The following SPIRE1 variants were observed in gnomAD, a reference collection of about 807,000 sequenced individuals.
SPIRE1 encodes protein spire homolog 1.
In SPIRE1, 40 loss-of-function variants were observed where a neutral mutation model predicts 94.1. The observed-to-expected ratio is 0.43, with a 90% confidence interval of 0.33 to 0.55. SPIRE1 has a LOEUF of 0.55. Among genes scored for constraint, SPIRE1 ranks in the 20% least tolerant of loss-of-function variants. The pLI, the probability that SPIRE1 is intolerant of heterozygous loss-of-function variation, is 0.06. For missense variants in SPIRE1, 838 were observed against 975.2 expected, an observed-to-expected ratio of 0.86 and a Z score of 1.87; for synonymous variants, 376 against 371.7, an observed-to-expected ratio of 1.01 and a Z score of -0.13.
At chr18:12,613,728 C>T (rs770833543) in intron 2 of SPIRE1, among the ~76,000 whole-genome samples, 4 of 149,852 alleles carry the variant, frequency 2.7e-5, no homozygotes, top group Admixed American at 6.7e-5. Context: ...GGTGAAAGGC[C>T]GTCTCTACTA....
At chr18:12,497,230 T>A (rs1339257971) in intron 6 of SPIRE1, among the ~76,000 whole-genome samples, 2 of 152,226 alleles carry the variant, frequency 1.3e-5, no homozygotes, top group African/African-American at 4.8e-5. Flanking sequence ...GAAGAGCTAT[T>A]GTGGAGGACC....
chr18:12,649,977 C>T lies in SPIRE1; in HGVS notation c.337+7553G>A, dbSNP rs187955021. Among the ~76,000 whole-genome samples, 6 of 152,186 alleles carry T rather than the reference C, an allele frequency of 3.9e-5. No homozygotes were observed. The East Asian group carries it at 7.7e-4, about 20-fold the overall frequency. ...ACAGTAGGTCAGGCTTGGTGGCTCA[C>T]GCCTGTAATCCCAGCACTTTGGGAG... is the stretch of plus-strand genomic sequence containing the variant. On this transcript the variant is annotated intron_variant, in intron 1 of 16. Coordinates refer to ENST00000409402, the MANE Select transcript of SPIRE1 (RefSeq NM_001128626.2).
intron 10 of SPIRE1, among the ~76,000 whole-genome samples, chr18:12,467,256 C>T (rs1004750712): frequency 1.1e-4 from 16 of 152,154 alleles, no homozygotes; most frequent in Admixed American, 2.0e-4. Context: ...CCAGCCTGGG[C>T]GACAGAGCAA....
chr18:12,629,251 GA>G (rs917280263), intron 2 of SPIRE1, among the ~76,000 whole-genome samples: 1 of 152,104 alleles, frequency 6.6e-6, no homozygotes, highest in East Asian at 1.9e-4. Flanking sequence ...TGGAAAGCTG[GA>G]AAAAAACCAA....
chr18:12,466,586 C>T (rs1286083504), intron 10 of SPIRE1, among the ~76,000 whole-genome samples: 2 of 152,054 alleles, frequency 1.3e-5, no homozygotes, highest in African/African-American at 4.8e-5. Flanking sequence ...AGCCTATAGG[C>T]ATTTTTAGAT....
intron 6 of SPIRE1, among the ~76,000 whole-genome samples, chr18:12,501,515 C>T (rs1276063597): frequency 6.6e-6 from 1 of 152,196 alleles, no homozygotes; most frequent in Non-Finnish European, 1.5e-5. Flanking sequence ...TCCCGAGTGG[C>T]TGGGACTACA....
intron 2 of SPIRE1, among the ~76,000 whole-genome samples, chr18:12,612,784 C>A (rs1218312989): frequency 6.6e-6 from 1 of 152,200 alleles, no homozygotes. Context: ...GCATGCCCAC[C>A]TCCAGGCCTG....
At chr18:12,653,126 T>C (rs1273459537) in intron 1 of SPIRE1, 1 of 152,254 alleles carries the variant, frequency 6.6e-6, no homozygotes, top group Non-Finnish European at 1.5e-5. Flanking sequence ...GGACAGAGAC[T>C]TTTTTAATGT....
chr18:12,448,273 G>A lies in SPIRE1; in HGVS notation c.*1365C>T, dbSNP rs2031041393. 1 of 152,626 alleles carries A rather than the reference G, an allele frequency of 6.6e-6. No individual in the cohort carries two copies. The highest frequency in any genetic ancestry group is 2.4e-5 in the African/African-American group (1 of 41,454). 9.5% of individuals were successfully genotyped at this position (152,626 alleles called of 1,614,324 possible). A position where few individuals can be genotyped will look rare whatever the true frequency, so the allele number is the denominator to read the frequency against. ...ACTGTATTTTGATGTGGTATGAAAT[G>A]CAGCCGCCATGCCTTTCATGAAACG... On this transcript the variant is annotated 3_prime_UTR_variant, in exon 17 of 17. Coordinates refer to ENST00000409402, the MANE Select transcript of SPIRE1 (RefSeq NM_001128626.2). This position sits in a 1 kb window ranked among gnomAD's most constrained non-coding sequence, Gnocchi z 4.4.
intron 10 of SPIRE1, among the ~76,000 whole-genome samples, chr18:12,469,661 AT>A (rs1170706068): frequency 7.0e-6 from 1 of 143,694 alleles, no homozygotes; most frequent in Non-Finnish European, 1.5e-5. Context: ...TTATTTACAT[AT>A]AATTTATATA....
At chr18:12,475,076 G>A (rs902760353) in intron 10 of SPIRE1, among the ~76,000 whole-genome samples, 3 of 152,186 alleles carry the variant, frequency 2.0e-5, no homozygotes, top group Admixed American at 2.0e-4. Flanking sequence ...CATGCAGTAA[G>A]GAGCAGAGGT....
chr18:12,655,285 C>T (rs1317275719), intron 1 of SPIRE1, among the ~76,000 whole-genome samples: 1 of 148,958 alleles, frequency 6.7e-6, no homozygotes, highest in East Asian at 2.0e-4. Flanking sequence ...AGAAATAAAG[C>T]GAAAGAAAGA....
At chr18:12,594,587 T>C (rs778595681) in intron 2 of SPIRE1, among the ~76,000 whole-genome samples, 1 of 152,174 alleles carries the variant, frequency 6.6e-6, no homozygotes, top group Admixed American at 6.5e-5. Context: ...GAATATAAAA[T>C]GCTAACAACA....
At chr18:12,545,678 A>C (rs1042957284) in intron 3 of SPIRE1, among the ~76,000 whole-genome samples, 1 of 152,192 alleles carries the variant, frequency 6.6e-6, no homozygotes, top group African/African-American at 2.4e-5. Context: ...CAGTATAACC[A>C]ACCAAACTTG....
At chr18:12,550,295 A>C (rs981655537) in intron 2 of SPIRE1, among the ~76,000 whole-genome samples, 26 of 152,240 alleles carry the variant, frequency 1.7e-4, no homozygotes, top group Admixed American at 4.6e-4. Flanking sequence ...GGCCTGGAAG[A>C]TGAAGATGAA....
At chr18:12,452,637 T>G in intron 14 of SPIRE1, 125 bp from the exon 15 acceptor site, 1 of 971,964 alleles carries the variant, frequency 1.0e-6, no homozygotes, top group South Asian at 1.4e-5. Context: ...CTTCTTCTAT[T>G]AGAATGTAAC....
chr18:12,638,566 TTCC>T (rs1374692101), intron 1 of SPIRE1, among the ~76,000 whole-genome samples: 1 of 152,218 alleles, frequency 6.6e-6, no homozygotes, highest in Non-Finnish European at 1.5e-5. Flanking sequence ...AGGCTCCTGA[TTCC>T]TCCTCATGTA....
At chr18:12,602,833 T>C (rs2036874585) in intron 2 of SPIRE1, among the ~76,000 whole-genome samples, 1 of 152,202 alleles carries the variant, frequency 6.6e-6, no homozygotes, top group Non-Finnish European at 1.5e-5. Context: ...ATAGCTCTAA[T>C]ATCGCTGTAG....
chr18:12,619,355 A>C (rs1272402112), intron 2 of SPIRE1, among the ~76,000 whole-genome samples: 1 of 151,832 alleles, frequency 6.6e-6, no homozygotes, highest in Non-Finnish European at 1.5e-5. Context: ...AAAAATACAA[A>C]AAATTAGCCA....
Sources: gnomAD v4.1 joint callset for allele counts (sites outside exome capture counted in the v4.1 genomes callset) on GRCh38, gnomAD v4.1.1 for gene constraint, Gnocchi (gnomAD v3.1) non-coding constraint, MANE v1.5 for transcripts, NCBI Gene and HGNC (gene_info 2026-07-23, HGNC 2026-07-21) for gene names.